Variants in AFF2 observed in about 807,000 individuals in gnomAD.
AFF2 encodes ALF transcription elongation factor 2.
A neutral mutation model predicts 76.9 loss-of-function variants in AFF2; 14 were observed. That is an observed-to-expected ratio of 0.18 (90% CI 0.12 to 0.28). AFF2 has a LOEUF of 0.28. AFF2 is among the 10% of genes least tolerant of loss of function. The pLI, the probability that AFF2 is intolerant of heterozygous loss-of-function variation, is 1.00. For synonymous variants in AFF2, 398 were observed against 366.7 expected (o/e 1.09, Z -0.98); for missense variants, 868 against 1,001.1 (o/e 0.87, Z 1.79).
chrX:148,704,149 G>A (rs1321094522), intron 3 of AFF2, among the ~76,000 whole-genome samples: 4 of 73,644 alleles, frequency 5.4e-5, no homozygotes, highest in Non-Finnish European at 9.9e-5. Context: ...GTGACTGCAA[G>A]TGGTTTTGGA....
chrX:148,941,888 T>G (rs2071840675), intron 9 of AFF2, among the ~76,000 whole-genome samples: 1 of 111,195 alleles, frequency 9.0e-6, no homozygotes, highest in Non-Finnish European at 1.9e-5. Context: ...CTTTACCAGG[T>G]GACTCTGTTT....
intron 12 of AFF2, among the ~76,000 whole-genome samples, chrX:148,959,804 G>A (rs1041205475): frequency 8.0e-5 from 9 of 112,416 alleles, no homozygotes; most frequent in Admixed American, 1.9e-4. Flanking sequence ...ATGGTAAGAC[G>A]TGGTCATTCC....
At chrX:148,664,768 C>G (rs1458639550) in intron 3 of AFF2, among the ~76,000 whole-genome samples, 1 of 112,385 alleles carries the variant, frequency 8.9e-6, no homozygotes, top group Non-Finnish European at 1.9e-5. Context: ...ATTACATTTT[C>G]TAAGCCACAA....
At position 148,614,733 on chromosome X, in the gene AFF2, C is replaced by CTTT. The variant is rs1569552163; in HGVS notation, c.48-37266_48-37265insTTT. 8.3e-3 allele frequency among the ~76,000 whole-genome samples: 410 copies of CTTT among 49,270 alleles called. 3 individuals carry two copies. The highest frequency in any genetic ancestry group is 0.011 in the Middle Eastern group (1 of 88). 42.8% of individuals were successfully genotyped at this position (49,270 alleles called of 115,157 possible). Reference sequence around the variant, plus strand: ...TCTTTCTTTCTTTCTTTCTTTCTTTCCTTCTTTTCTTTCTTTCTTTCTTTC... The same window carrying CTTT: ...TCTTTCTTTCTTTCTTTCTTTCTTTCTTTCTTCTTTTCTTTCTTTCTTTCTTTC... On this transcript the variant is annotated intron_variant, in intron 1 of 20. Transcript: ENST00000370460.
intron 1 of AFF2, among the ~76,000 whole-genome samples, chrX:148,528,280 C>A (rs1713805612): frequency 8.9e-6 from 1 of 111,872 alleles, no homozygotes; most frequent in Non-Finnish European, 1.9e-5. Context: ...AGATATTTTT[C>A]TACTTTGGGA....
intron 1 of AFF2, among the ~76,000 whole-genome samples, chrX:148,526,508 C>CT (rs1557235237): frequency 9.2e-6 from 1 of 109,201 alleles, no homozygotes; most frequent in African/African-American, 3.3e-5. Context: ...TCACCTGGTA[C>CT]TTTCTCTGCT....
At chrX:148,883,916 C>A (rs1557278770) in intron 7 of AFF2, among the ~76,000 whole-genome samples, 2 of 110,745 alleles carry the variant, frequency 1.8e-5, no homozygotes, top group East Asian at 5.7e-4. Context: ...GAATTATTTA[C>A]CATTTCTTTT....
intron 4 of AFF2, among the ~76,000 whole-genome samples, chrX:148,818,974 G>A (rs1557272359): frequency 9.0e-6 from 1 of 111,121 alleles, no homozygotes; most frequent in Non-Finnish European, 1.9e-5. Flanking sequence ...TGGAACTCAT[G>A]TTGGCCTGAA....
rs1283956785 is a variant in AFF2, at chrX:148,616,903, T to G, written c.48-35096T>G. ...CCATGTCCCTACAAAGGACATGAAC[T>G]CATCATTTTTTATGGCTGCATAGTA... On this transcript the variant is annotated intron_variant, in intron 1 of 20. Coordinates refer to ENST00000370460, the MANE Select transcript of AFF2 (RefSeq NM_002025.4). Among the ~76,000 whole-genome samples, 4 of 111,253 alleles carry G rather than the reference T, an allele frequency of 3.6e-5. No individual in the cohort carries two copies. The East Asian group carries it at 1.1e-3, about 32-fold the overall frequency.
chrX:148,978,290 G>A, intron 17 of AFF2, 72 bp from the exon 18 acceptor site: 1 of 723,568 alleles, frequency 1.4e-6, no homozygotes, highest in Non-Finnish European at 2.1e-6. Flanking sequence ...TTGTGAATCA[G>A]CAGTCTTCTT....
At chrX:148,695,086 G>T (rs2054703063) in intron 3 of AFF2, among the ~76,000 whole-genome samples, 1 of 111,080 alleles carries the variant, frequency 9.0e-6, no homozygotes, top group South Asian at 3.8e-4. Flanking sequence ...AAAGTCCTGG[G>T]ATTACAGATG....
chrX:148,734,653 T>C (rs1237576220), intron 3 of AFF2, among the ~76,000 whole-genome samples: 1 of 112,226 alleles, frequency 8.9e-6, no homozygotes, highest in African/African-American at 3.2e-5. Flanking sequence ...TAAAAACATT[T>C]TAGGAATCTT....
rs782494281 is a variant in AFF2 at position 148,942,988 on chromosome X, G to C, written c.1398-10592G>C. 2.7e-5 allele frequency among the ~76,000 whole-genome samples: 3 copies of C among 111,385 alleles called. No homozygotes were observed. In the South Asian group the frequency reaches 1.1e-3, roughly 42 times the overall value. On this transcript the variant is annotated intron_variant, in intron 9 of 20. Coordinates refer to ENST00000370460, the MANE Select transcript of AFF2 (RefSeq NM_002025.4). ...AGTGGTGAGGAAGTGGAACCAATAA[G>C]TGTTGACTTTGACCACATCTTTAAG...
intron 20 of AFF2, among the ~76,000 whole-genome samples, chrX:148,990,687 T>C (rs782534805): frequency 8.9e-6 from 1 of 111,777 alleles, no homozygotes; most frequent in South Asian, 3.8e-4. Flanking sequence ...CCCAATGAAA[T>C]TGGTAAGAAG....
At chrX:148,810,236 C>T (rs1051715255) in intron 4 of AFF2, among the ~76,000 whole-genome samples, 7 of 111,993 alleles carry the variant, frequency 6.3e-5, no homozygotes, top group Admixed American at 3.8e-4. Flanking sequence ...TGCCTTTTAC[C>T]TTTCTGGGAT....
At chrX:148,822,704 G>GGT (rs36003565) in intron 4 of AFF2, among the ~76,000 whole-genome samples, 6,581 of 92,144 alleles carry the variant, frequency 0.071, 616 homozygotes, top group African/African-American at 0.24. Context: ...ATTCCTCCAG[G>GGT]GTGTGTGTGT....
Position 148,998,366 on chromosome X carries a change from C to T in AFF2, c.*7034C>T, listed in dbSNP as rs782624482. On this transcript the variant is annotated 3_prime_UTR_variant, in exon 21 of 21. Transcript: ENST00000370460. Reference sequence around the variant, plus strand: ...ATTAAATGTGAGCTTCTGAATTGTACTTGTTCATACTTTCAAAACATAACA... The same window carrying T: ...ATTAAATGTGAGCTTCTGAATTGTATTTGTTCATACTTTCAAAACATAACA... 1.3e-3 allele frequency: 146 copies of T among 112,181 alleles called. 1 individual carries two copies. The highest frequency in any genetic ancestry group is 4.7e-3 in the African/African-American group (144 of 30,807). 9.2% of individuals were successfully genotyped at this position (112,181 alleles called of 1,213,427 possible).
intron 2 of AFF2, 126 bp downstream of exon 2, chrX:148,652,257 T>A: frequency 1.9e-6 from 1 of 524,184 alleles, no homozygotes; most frequent in Non-Finnish European, 3.1e-6. Flanking sequence ...GTGAAATTTG[T>A]ACATACACTG....
intron 3 of AFF2, among the ~76,000 whole-genome samples, chrX:148,783,829 G>C (rs2069776811): frequency 1.8e-5 from 2 of 111,708 alleles, no homozygotes; most frequent in Non-Finnish European, 3.8e-5. Flanking sequence ...AGATTTGACA[G>C]AGACAGAACA....
Sources: gnomAD v4.1 joint callset for allele counts (sites outside exome capture counted in the v4.1 genomes callset) on GRCh38, gnomAD v4.1.1 for gene constraint, MANE v1.5 for transcripts, NCBI Gene and HGNC (gene_info 2026-07-23, HGNC 2026-07-21) for gene names.